SGMS1: variants seen among roughly 807,000 people sequenced by gnomAD.
SGMS1 encodes sphingomyelin synthase 1.
A neutral mutation model predicts 46.2 loss-of-function variants in SGMS1; 13 were observed. The observed-to-expected ratio is 0.28, with a 90% CI of 0.18 to 0.45. SGMS1 has a LOEUF of 0.45. SGMS1 is among the 20% of genes least tolerant of loss of function. SGMS1 has a pLI of 1.00. For synonymous variants in SGMS1, 203 were observed against 187.8 expected (o/e 1.08, Z -0.66); for missense variants, 324 against 519.9 (o/e 0.62, Z 3.66).
chr10:50,480,040 T>C (rs968747013), intron 3 of SGMS1, among the ~76,000 whole-genome samples: 14 of 152,330 alleles, frequency 9.2e-5, no homozygotes, highest in Non-Finnish European at 1.9e-4. Flanking sequence ...CCTTTTACAT[T>C]CTATTAGTTC....
chr10:50,576,448 G>A (rs528474317), intron 2 of SGMS1, among the ~76,000 whole-genome samples: 3 of 152,272 alleles, frequency 2.0e-5, no homozygotes, highest in African/African-American at 7.2e-5. Flanking sequence ...GGAGGAGCAC[G>A]CCCCTTTTGG....
rs561966964 is a variant in SGMS1, at chr10:50,488,446, C to T, written c.-497-21514G>A. Among the ~76,000 whole-genome samples the T allele has an allele frequency of 1.5e-4, 23 of 152,218 alleles. No homozygotes were observed. The South Asian group carries it at 4.8e-3, about 32-fold the overall frequency. On this transcript the variant is annotated intron_variant, in intron 3 of 10. Transcript: ENST00000361781. ...GGGTACAGACGATATGCATATAAAT[C>T]AGAATAAACAACACCAGCATATACC...
chr10:50,560,759 C>T (rs1436669428), intron 2 of SGMS1, among the ~76,000 whole-genome samples: 1 of 151,230 alleles, frequency 6.6e-6, no homozygotes, highest in Non-Finnish European at 1.5e-5. Flanking sequence ...TATACATAAA[C>T]ATCATAGTAT....
In SGMS1 at chr10:50,422,422, C is replaced by T. The variant is rs117432216; in HGVS notation, c.-232+11054G>A. Among the ~76,000 whole-genome samples the T allele has an allele frequency of 4.6e-5, 7 of 152,250 alleles. No homozygotes were observed. The East Asian group carries it at 1.2e-3, about 25-fold the overall frequency. Reference sequence around the variant, plus strand: ...CCCAAGCAGCAGATGCGTTTCTGTGCTCTTTGTGGCATGTTCCAACAATAC... The same window carrying T: ...CCCAAGCAGCAGATGCGTTTCTGTGTTCTTTGTGGCATGTTCCAACAATAC... On this transcript the variant is annotated intron_variant, in intron 6 of 10. Coordinates refer to ENST00000361781, the MANE Select transcript of SGMS1 (RefSeq NM_147156.4).
intron 7 of SGMS1, chr10:50,340,460 C>T (rs1847798998): frequency 6.6e-6 from 1 of 152,136 alleles, no homozygotes; most frequent in Non-Finnish European, 1.5e-5. Flanking sequence ...CTTGAAAGTC[C>T]AATTCTAAAT....
chr10:50,351,137 G>T (rs930051428), intron 6 of SGMS1, among the ~76,000 whole-genome samples: 1 of 152,186 alleles, frequency 6.6e-6, no homozygotes, highest in African/African-American at 2.4e-5. Flanking sequence ...AGTCAAAGGA[G>T]ATCATTTTGG....
At chr10:50,624,194 G>C, upstream of SGMS1, 1 of 889,604 alleles carries the variant, frequency 1.1e-6, no homozygotes, top group Non-Finnish European at 1.3e-6. Flanking sequence ...GCGTTTTTAG[G>C]GGCCCACTAA....
chr10:50,556,351 G>C (rs924005832), intron 2 of SGMS1, among the ~76,000 whole-genome samples: 3 of 152,226 alleles, frequency 2.0e-5, no homozygotes, highest in Non-Finnish European at 1.5e-5. Flanking sequence ...TGCCATGGAG[G>C]AAACAGAAAG....
intron 2 of SGMS1, among the ~76,000 whole-genome samples, chr10:50,559,537 T>G (rs1838215929): frequency 6.6e-6 from 1 of 152,198 alleles, no homozygotes; most frequent in Non-Finnish European, 1.5e-5. Context: ...TTAAACCCAT[T>G]ATTGATAAGG....
At chr10:50,402,759 C>T (rs1848959769) in intron 6 of SGMS1, among the ~76,000 whole-genome samples, 1 of 150,652 alleles carries the variant, frequency 6.6e-6, no homozygotes, top group South Asian at 2.1e-4. Context: ...ATTTCAATAG[C>T]TTTAGAGGTA....
intron 7 of SGMS1, among the ~76,000 whole-genome samples, chr10:50,338,037 G>A (rs553767640): frequency 6.6e-6 from 1 of 152,212 alleles, no homozygotes; most frequent in Admixed American, 6.5e-5. Context: ...AAAACCCCTA[G>A]AAACAGTTCT....
At chr10:50,472,934 A>G (rs10763500) in intron 3 of SGMS1, 54,334 of 151,900 alleles carry the variant, frequency 0.36, 9,983 homozygotes, top group African/African-American at 0.42. Context: ...TGCTCCCCAC[A>G]CTGTTAATCC....
chr10:50,317,227 G>T (rs1847354773), intron 8 of SGMS1, among the ~76,000 whole-genome samples: 1 of 152,230 alleles, frequency 6.6e-6, no homozygotes, highest in East Asian at 1.9e-4. Context: ...AAGCAGCAAT[G>T]AAGAGGCTCA....
chr10:50,494,140 C>T (rs1022895544), intron 3 of SGMS1, among the ~76,000 whole-genome samples: 16 of 152,056 alleles, frequency 1.1e-4, no homozygotes, highest in African/African-American at 3.9e-4. Context: ...CAAATGCTGG[C>T]GAGGTTCTAG....
chr10:50,507,126 C>T lies in SGMS1; in HGVS notation c.-498+12705G>A, dbSNP rs566876190. Among the ~76,000 whole-genome samples the T allele has an allele frequency of 9.2e-5, 14 of 152,276 alleles. No individual in the cohort carries two copies. The South Asian group carries it at 2.9e-3, about 32-fold the overall frequency. On this transcript the variant is annotated intron_variant, in intron 3 of 10. Transcript: ENST00000361781. ...ACAGCCCATTGGTAGCTAGGTCTGG[C>T]CAAAAGCTCTATCCCTGTCAGGCCA...
At chr10:50,473,150 T>TA (rs140010530) in intron 3 of SGMS1, among the ~76,000 whole-genome samples, 5,223 of 151,206 alleles carry the variant, frequency 0.035, 298 homozygotes, top group African/African-American at 0.12. Context: ...TGTTAATGCT[T>TA]AAAAAAAAAT....
intron 3 of SGMS1, among the ~76,000 whole-genome samples, chr10:50,495,563 GTT>G: frequency 6.6e-6 from 1 of 152,130 alleles, no homozygotes; most frequent in East Asian, 1.9e-4. Context: ...AAACATAGAA[GTT>G]TATTCTACAG....
At chr10:50,459,098 T>C (rs1161265643) in intron 5 of SGMS1, among the ~76,000 whole-genome samples, 2 of 152,132 alleles carry the variant, frequency 1.3e-5, no homozygotes, top group African/African-American at 2.4e-5. Context: ...CTTCAATAAC[T>C]CTGTACTAGT....
At chr10:50,336,280 T>C (rs1309126506) in intron 7 of SGMS1, among the ~76,000 whole-genome samples, 1 of 152,010 alleles carries the variant, frequency 6.6e-6, no homozygotes, top group African/African-American at 2.4e-5. Flanking sequence ...AGATAGATAA[T>C]AGGTCAGAAT....
Sources: allele counts gnomAD v4.1 joint callset (sites outside exome capture counted in the v4.1 genomes callset), GRCh38; gene constraint gnomAD v4.1.1; transcripts MANE v1.5; gene names NCBI Gene and HGNC (gene_info 2026-07-23, HGNC 2026-07-21).